The following ATG4A variants were observed in gnomAD, a reference collection of about 807,000 sequenced individuals.
The protein encoded by ATG4A is cysteine protease ATG4A.
A neutral mutation model predicts 38.4 loss-of-function variants in ATG4A; 22 were observed. The ratio of observed to expected loss-of-function variants is 0.57; its 90% confidence interval spans 0.41 to 0.82. The LOEUF (loss-of-function observed/expected upper bound fraction) is 0.82, where lower values mean the gene tolerates loss of function less well. Ranked by LOEUF, ATG4A falls within the 40% of genes least tolerant of loss-of-function variation. The probability of loss-of-function intolerance (pLI) is 0.00; values close to 1 mark genes in which losing one functional copy is unlikely to be tolerated. For missense variants in ATG4A, 220 were observed against 290.0 expected (o/e 0.76, Z 1.75); for synonymous variants, 86 against 100.7 (o/e 0.85, Z 0.88).
intron 4 of ATG4A, among the ~76,000 whole-genome samples, chrX:108,131,792 A>G (rs951271747): frequency 2.7e-5 from 3 of 112,137 alleles, no homozygotes; most frequent in Non-Finnish European, 5.6e-5. Flanking sequence ...AGCTGGCGCT[A>G]TTTTGGTTTT....
chrX:108,121,893 C>G (rs928291387), intron 1 of ATG4A, among the ~76,000 whole-genome samples: 1 of 111,685 alleles, frequency 9.0e-6, no homozygotes, highest in Non-Finnish European at 1.9e-5. Flanking sequence ...CAGCTGTTAC[C>G]CTACCTATCC....
intron 1 of ATG4A, among the ~76,000 whole-genome samples, chrX:108,095,408 G>T (rs750037115): frequency 9.0e-6 from 1 of 111,357 alleles, no homozygotes; most frequent in Admixed American, 9.5e-5. Flanking sequence ...ATTTTTTATA[G>T]ATACAGGGTC....
intron 9 of ATG4A, among the ~76,000 whole-genome samples, chrX:108,141,687 C>T (rs971765632): frequency 9.0e-6 from 1 of 111,583 alleles, no homozygotes; most frequent in East Asian, 2.8e-4. Context: ...AGGTTTCCAC[C>T]TGGAGATCCA....
At chrX:108,094,685 T>C (rs2031748326) in intron 1 of ATG4A, among the ~76,000 whole-genome samples, 1 of 112,389 alleles carries the variant, frequency 8.9e-6, no homozygotes. Flanking sequence ...TCCTCAAACA[T>C]GATTTTAATT....
chrX:108,098,400 C>T (rs1232012873), intron 1 of ATG4A, among the ~76,000 whole-genome samples: 1 of 111,707 alleles, frequency 9.0e-6, no homozygotes, highest in East Asian at 2.8e-4. Context: ...ATAAGAGACT[C>T]GCAATAATTT....
At chrX:108,140,947 CACATATAT>C (rs1306103598) in intron 9 of ATG4A, among the ~76,000 whole-genome samples, 1 of 90,773 alleles carries the variant, frequency 1.1e-5, no homozygotes, top group African/African-American at 4.1e-5. Flanking sequence ...CATATATATA[CACATATAT>C]ACATATATAC....
chrX:108,110,850 T>C (rs2032337504), intron 1 of ATG4A, among the ~76,000 whole-genome samples: 1 of 112,039 alleles, frequency 8.9e-6, no homozygotes, highest in Non-Finnish European at 1.9e-5. Flanking sequence ...TCTGTCTCTT[T>C]GTTTATTTTT....
intron 1 of ATG4A, 26 bp downstream of exon 1, chrX:108,091,862 C>A: frequency 2.5e-6 from 3 of 1,210,984 alleles, no homozygotes; most frequent in Non-Finnish European, 3.4e-6. Flanking sequence ...TTGAGTGGAA[C>A]CGTGTGAAAG....
chrX:108,141,922 C>A (rs2033304709), intron 9 of ATG4A, among the ~76,000 whole-genome samples: 1 of 111,251 alleles, frequency 9.0e-6, no homozygotes, highest in Non-Finnish European at 1.9e-5. Context: ...ATACCTGTCG[C>A]CCAAATATTG....
intron 12 of ATG4A, among the ~76,000 whole-genome samples, 167 bp from the exon 13 acceptor site, chrX:108,153,475 A>G (rs901625889): frequency 1.8e-5 from 2 of 112,286 alleles, no homozygotes; most frequent in African/African-American, 6.5e-5. Flanking sequence ...CTTTATAGAT[A>G]ATTTCTAATA....
At chrX:108,126,652 C>T in intron 2 of ATG4A, 1 of 672,721 alleles carries the variant, frequency 1.5e-6, no homozygotes, top group South Asian at 3.0e-5. Flanking sequence ...AATATCAGAC[C>T]TAAGTTTTTC....
intron 1 of ATG4A, among the ~76,000 whole-genome samples, chrX:108,105,374 G>A (rs1466109139): frequency 9.0e-6 from 1 of 110,796 alleles, no homozygotes; most frequent in Non-Finnish European, 1.9e-5. Context: ...TTTTACAGGA[G>A]CTTATAATCA....
intron 1 of ATG4A, among the ~76,000 whole-genome samples, chrX:108,117,779 A>G (rs2032548118): frequency 8.9e-6 from 1 of 112,365 alleles, no homozygotes; most frequent in African/African-American, 3.2e-5. Flanking sequence ...TTATTAACTA[A>G]TTAATTGCTA....
chrX:108,098,577 C>T (rs73251782), intron 1 of ATG4A, among the ~76,000 whole-genome samples: 115 of 109,196 alleles, frequency 1.1e-3, no homozygotes, highest in African/African-American at 3.6e-3. Flanking sequence ...TAACCATTAT[C>T]GCAATCAAGA....
Position 108,145,560 on chromosome X carries a change from C to T in ATG4A, c.815-4592C>T, listed in dbSNP as rs190562795. ...TCCACTGTCATTCTCCAAGATCCAT[C>T]TGTCTTCTGCACAGGCCAAATGGGA... is the stretch of plus-strand genomic sequence containing the variant. On this transcript the variant is annotated intron_variant, in intron 9 of 12. Coordinates refer to ENST00000372232, the MANE Select transcript of ATG4A (RefSeq NM_052936.5). Among the ~76,000 whole-genome samples, 5 of 113,008 alleles carry T rather than the reference C, an allele frequency of 4.4e-5. No individual in the cohort carries two copies. In the East Asian group the frequency reaches 1.4e-3, roughly 31 times the overall value.
chrX:108,139,777 T>TGTCTCAC (rs75920782), intron 9 of ATG4A, among the ~76,000 whole-genome samples: 15,677 of 111,321 alleles, frequency 0.14, 1,311 homozygotes, highest in East Asian at 0.53. Context: ...CAGAAATTTA[T>TGTCTCAC]GTCTCACTGT....
At chrX:108,094,742 T>G (rs1208064501) in intron 1 of ATG4A, among the ~76,000 whole-genome samples, 4 of 112,353 alleles carry the variant, frequency 3.6e-5, no homozygotes, top group African/African-American at 1.3e-4. Flanking sequence ...CTCTTAATAG[T>G]GCCTTTTAGC....
At chrX:108,141,076 A>G (rs2033271749) in intron 9 of ATG4A, among the ~76,000 whole-genome samples, 2 of 29,549 alleles carry the variant, frequency 6.8e-5, no homozygotes, top group Admixed American at 6.8e-4. Context: ...ATATACATAT[A>G]TATATATATA....
At chrX:108,129,971 T>G (rs1302588697) in intron 3 of ATG4A, among the ~76,000 whole-genome samples, 1 of 109,776 alleles carries the variant, frequency 9.1e-6, no homozygotes, top group Admixed American at 9.7e-5. Context: ...CTGTTAACTT[T>G]CTCTGGCTGA....
Sources: allele counts gnomAD v4.1 joint callset (sites outside exome capture counted in the v4.1 genomes callset), GRCh38; gene constraint gnomAD v4.1.1; transcripts MANE v1.5; gene names NCBI Gene and HGNC (gene_info 2026-07-23, HGNC 2026-07-21).